Variants in ITGA8 observed in about 807,000 individuals in gnomAD.
The protein encoded by ITGA8 is integrin subunit alpha 8, also known as integrin alpha-8.
Under a neutral mutation model 142.3 loss-of-function variants are expected in ITGA8, and 91 were observed. The ratio of observed to expected loss-of-function variants is 0.64; its 90% confidence interval spans 0.54 to 0.76. ITGA8 has a LOEUF of 0.76. ITGA8 is among the 30% of genes least tolerant of loss of function. The pLI is 0.00. For missense variants in ITGA8, 1,406 were observed against 1,327.7 expected, an observed-to-expected ratio of 1.06 and a Z score of -0.92; for synonymous variants, 505 against 485.2, an observed-to-expected ratio of 1.04 and a Z score of -0.54.
At chr10:15,526,301 C>G (rs955491050) in intron 28 of ITGA8, among the ~76,000 whole-genome samples, 1 of 152,034 alleles carries the variant, frequency 6.6e-6, no homozygotes, top group African/African-American at 2.4e-5. Context: ...CTCAGCCTCC[C>G]GAGTAGCTGG....
At chr10:15,647,628 A>G (rs905610347) in intron 11 of ITGA8, among the ~76,000 whole-genome samples, 1 of 150,690 alleles carries the variant, frequency 6.6e-6, no homozygotes, top group Non-Finnish European at 1.5e-5. Context: ...GCGCCCGGCT[A>G]ATTTTTTGTA....
chr10:15,605,301 G>T (rs950452496), intron 19 of ITGA8, among the ~76,000 whole-genome samples: 1 of 152,110 alleles, frequency 6.6e-6, no homozygotes, highest in African/African-American at 2.4e-5. Flanking sequence ...TATTCAATAA[G>T]TTAAAATTAA....
intron 8 of ITGA8, among the ~76,000 whole-genome samples, chr10:15,662,455 C>T (rs956865104): frequency 1.3e-5 from 2 of 149,136 alleles, no homozygotes; most frequent in Admixed American, 6.8e-5. Context: ...CCTTCTACCT[C>T]AGCTTCCTGA....
At chr10:15,714,508 C>A (rs982311150) in intron 2 of ITGA8, among the ~76,000 whole-genome samples, 2 of 151,838 alleles carry the variant, frequency 1.3e-5, no homozygotes, top group Middle Eastern at 3.2e-3. Context: ...TTTTTGGAAC[C>A]CCTTGATTCT....
Position 15,685,451 on chromosome 10 carries a change from T to C in ITGA8, c.445-1324A>G, listed in dbSNP as rs569415087. Among the ~76,000 whole-genome samples, 151 of 152,360 alleles carry C rather than the reference T, an allele frequency of 9.9e-4. 2 individuals are homozygous for C. The South Asian group carries it at 0.029, about 29-fold the overall frequency. ...TTGATTTAACTGCCCACAGGACTTA[T>C]ATATGAAGGTTTGCATATAAAACTT... is the stretch of plus-strand genomic sequence containing the variant. On this transcript the variant is annotated intron_variant, in intron 3 of 29. Transcript: ENST00000378076.
intron 27 of ITGA8, among the ~76,000 whole-genome samples, chr10:15,541,802 GTT>G (rs11318792): frequency 2.1e-5 from 3 of 144,936 alleles, no homozygotes; most frequent in African/African-American, 5.0e-5. Flanking sequence ...AACCTCACAA[GTT>G]TTTTTTTTTT....
chr10:15,618,803 T>A (rs1833440333), intron 13 of ITGA8, among the ~76,000 whole-genome samples: 1 of 152,210 alleles, frequency 6.6e-6, no homozygotes, highest in South Asian at 2.1e-4. Context: ...GCTCCTCAGC[T>A]TGCAGACAGC....
At chr10:15,662,612 T>G (rs190075061) in intron 8 of ITGA8, among the ~76,000 whole-genome samples, 2 of 152,272 alleles carry the variant, frequency 1.3e-5, no homozygotes, top group Admixed American at 1.3e-4. Context: ...GTGCTGGGAT[T>G]ACAGGCCTGA....
At position 15,718,646 on chromosome 10, in the gene ITGA8, A is replaced by G. The variant is rs967801186; in HGVS notation, c.343+120T>C. On this transcript the variant is annotated intron_variant, in intron 2 of 29. Coordinates refer to ENST00000378076, the MANE Select transcript of ITGA8 (RefSeq NM_003638.3). ...TCTCTAGAGACCCACATAGCCCACA[A>G]TACGGACATATCAGACAAGCTAAAC... 22 of 1,277,916 alleles carry G rather than the reference A, an allele frequency of 1.7e-5. No individual in the cohort carries two copies. The East Asian group carries it at 4.0e-4, about 23-fold the overall frequency. 79.2% of individuals were successfully genotyped at this position (1,277,916 alleles called of 1,614,324 possible).
At chr10:15,644,476 ATATATATATATATATAG>A (rs1833938261) in intron 12 of ITGA8, among the ~76,000 whole-genome samples, 1 of 14,356 alleles carries the variant, frequency 7.0e-5, no homozygotes, top group African/African-American at 1.3e-4. Flanking sequence ...ATATATATAT[ATATATATATATATATAG>A]AATTTTTTTT....
chr10:15,652,679 G>A (rs1834110180), intron 11 of ITGA8, among the ~76,000 whole-genome samples: 1 of 152,162 alleles, frequency 6.6e-6, no homozygotes, highest in Non-Finnish European at 1.5e-5. Flanking sequence ...AACTGAAGAT[G>A]AAGGCAATTT....
chr10:15,586,257 C>G lies in ITGA8; in HGVS notation c.2372+327G>C, dbSNP rs377244731. Among the ~76,000 whole-genome samples the G allele has an allele frequency of 1.2e-4, 18 of 151,942 alleles. 1 individual carries two copies. The East Asian group carries it at 1.4e-3, about 11-fold the overall frequency. On this transcript the variant is annotated intron_variant, in intron 23 of 29. Transcript: ENST00000378076. The stretch of plus-strand genomic sequence containing the variant: ...TATTTTTAGGAGAGACAGGGTTTCA[C>G]GATGTTGGCTAGGCTGGTCTCAAAC...
intron 20 of ITGA8, among the ~76,000 whole-genome samples, chr10:15,599,096 T>TA (rs1554775819): frequency 6.6e-6 from 1 of 151,646 alleles, no homozygotes; most frequent in Non-Finnish European, 1.5e-5. Flanking sequence ...TTTTTTTTTT[T>TA]AAATCTCACC....
intron 23 of ITGA8, among the ~76,000 whole-genome samples, chr10:15,579,951 A>G (rs990963423): frequency 6.6e-6 from 1 of 151,844 alleles, no homozygotes; most frequent in African/African-American, 2.4e-5. Flanking sequence ...CAGAAGAAGT[A>G]GAAATGGGAG....
At chr10:15,618,042 A>G (rs916501054) in intron 13 of ITGA8, among the ~76,000 whole-genome samples, 5 of 152,210 alleles carry the variant, frequency 3.3e-5, no homozygotes, top group African/African-American at 1.2e-4. Context: ...ACATAGATGT[A>G]AAGATGGTAA....
At chr10:15,555,960 A>ACCTTCCCT (rs1199180083) in intron 26 of ITGA8, among the ~76,000 whole-genome samples, 5 of 120,360 alleles carry the variant, frequency 4.2e-5, no homozygotes, top group African/African-American at 1.6e-4. Flanking sequence ...GCCTCCCAAC[A>ACCTTCCCT]CCTTCCCTTT....
At chr10:15,543,888 A>C (rs1040869721) in intron 27 of ITGA8, among the ~76,000 whole-genome samples, 10 of 152,174 alleles carry the variant, frequency 6.6e-5, no homozygotes, top group African/African-American at 1.9e-4. Context: ...TCCTTATAAG[A>C]AACAGAAGAC....
In ITGA8 at chr10:15,695,970, C is replaced by T. The variant is rs576456408; in HGVS notation, c.344-7932G>A. On this transcript the variant is annotated intron_variant, in intron 2 of 29. Transcript: ENST00000378076. ...GGTAGCAACTTTCCAGACTTTCACA[C>T]CCTATCCTTGCCAACGTCCATGAAA... is the stretch of plus-strand genomic sequence containing the variant. Among the ~76,000 whole-genome samples the T allele has an allele frequency of 9.8e-5, 15 of 152,360 alleles. No individual in the cohort carries two copies. In the East Asian group the frequency reaches 2.9e-3, roughly 29 times the overall value.
chr10:15,650,612 A>G (rs1004890557), intron 11 of ITGA8, among the ~76,000 whole-genome samples: 1 of 152,180 alleles, frequency 6.6e-6, no homozygotes, highest in South Asian at 2.1e-4. Context: ...CCAGAAGTAT[A>G]AGAAATAAAT....
Sources: gnomAD v4.1 joint callset for allele counts (sites outside exome capture counted in the v4.1 genomes callset) on GRCh38, gnomAD v4.1.1 for gene constraint, MANE v1.5 for transcripts, NCBI Gene and HGNC (gene_info 2026-07-23, HGNC 2026-07-21) for gene names.